TENM3: variants seen among roughly 807,000 people sequenced by gnomAD.
TENM3 encodes the protein teneurin transmembrane protein 3.
In TENM3, 63 loss-of-function variants were observed where a neutral mutation model predicts 255.1. That is an observed-to-expected ratio of 0.25 (90% CI 0.20 to 0.30). The LOEUF (loss-of-function observed/expected upper bound fraction) is 0.30, where lower values mean the gene tolerates loss of function less well. Ranked by LOEUF, TENM3 falls within the 10% of genes least tolerant of loss-of-function variation. The pLI, the probability that TENM3 is intolerant of heterozygous loss-of-function variation, is 1.00. For missense variants in TENM3, 2,929 were observed against 3,461.1 expected, an observed-to-expected ratio of 0.85 and a Z score of 3.86; for synonymous variants, 1,306 against 1,322.3, an observed-to-expected ratio of 0.99 and a Z score of 0.27.
chr4:182,001,041 A>G, the TENM3 span, among the ~76,000 whole-genome samples: 1 of 149,476 alleles, frequency 6.7e-6, no homozygotes, highest in African/African-American at 2.5e-5. Context: ...GGAACAGAAC[A>G]AACCAGAAAA....
At chr4:181,886,123 A>G in the TENM3 span, among the ~76,000 whole-genome samples, 3 of 134,640 alleles carry the variant, frequency 2.2e-5, no homozygotes, top group Non-Finnish European at 4.6e-5. Context: ...CGTGATCGCC[A>G]CTCACTGCAA....
the TENM3 span, among the ~76,000 whole-genome samples, chr4:181,965,811 G>A: frequency 3.3e-5 from 5 of 152,156 alleles, no homozygotes; most frequent in African/African-American, 1.2e-4. Context: ...AAGAGAAGGT[G>A]AGGCAAGAAA....
chr4:182,258,354 A>G (rs959826633), intron 1 of TENM3, among the ~76,000 whole-genome samples: 2 of 152,222 alleles, frequency 1.3e-5, no homozygotes, highest in African/African-American at 4.8e-5. Flanking sequence ...TAGACAATTA[A>G]TAACTTATAT....
chr4:182,541,393 C>A (rs528318837), intron 3 of TENM3, among the ~76,000 whole-genome samples: 2 of 152,250 alleles, frequency 1.3e-5, no homozygotes, highest in East Asian at 3.9e-4. Flanking sequence ...GTTAAGAAAT[C>A]TGTCATTTGT....
chr4:182,351,066 C>A (rs1338904944), intron 3 of TENM3, among the ~76,000 whole-genome samples: 1 of 148,982 alleles, frequency 6.7e-6, no homozygotes, highest in African/African-American at 2.5e-5. Flanking sequence ...GTTCCAAATA[C>A]CTATTTAAAC....
chr4:182,116,641 G>T, the TENM3 span, among the ~76,000 whole-genome samples: 1 of 152,166 alleles, frequency 6.6e-6, no homozygotes, highest in Non-Finnish European at 1.5e-5. Context: ...AGTCAATTAA[G>T]CCTCTTTCCT....
chr4:181,477,629 T>TA, the TENM3 span, among the ~76,000 whole-genome samples: 10 of 152,230 alleles, frequency 6.6e-5, no homozygotes, highest in African/African-American at 1.7e-4. Flanking sequence ...GGTGCATTTT[T>TA]TAAAAAAATA....
chr4:182,611,563 A>G (rs1305333081), intron 4 of TENM3, among the ~76,000 whole-genome samples: 6 of 152,150 alleles, frequency 3.9e-5, no homozygotes, highest in Admixed American at 3.9e-4. Context: ...ACATTTTTAC[A>G]TTTTAAGTAA....
chr4:182,692,436 C>G (rs1198118647), intron 12 of TENM3, among the ~76,000 whole-genome samples: 4 of 152,192 alleles, frequency 2.6e-5, no homozygotes, highest in Admixed American at 6.5e-5. Context: ...AGAATTCATT[C>G]ATTTGTATCC....
the TENM3 span, among the ~76,000 whole-genome samples, chr4:181,602,563 T>A: frequency 6.6e-6 from 1 of 152,184 alleles, no homozygotes; most frequent in Non-Finnish European, 1.5e-5. Flanking sequence ...TTAATATCTG[T>A]CAAAAGCCAT....
chr4:181,477,512 T>G, the TENM3 span, among the ~76,000 whole-genome samples: 7 of 152,318 alleles, frequency 4.6e-5, no homozygotes, highest in East Asian at 1.3e-3. Context: ...ATTAGAAATA[T>G]GTAAAGGTTT....
At chr4:182,116,662 C>G in the TENM3 span, among the ~76,000 whole-genome samples, 1 of 152,180 alleles carries the variant, frequency 6.6e-6, no homozygotes, top group South Asian at 2.1e-4. Context: ...TTGTAAATTA[C>G]CCAGTCTCAA....
chr4:182,743,136 T>C lies in TENM3; in HGVS notation c.3380-34T>C, dbSNP rs771379608. On this transcript the variant is annotated intron_variant, in intron 18 of 27. Coordinates refer to ENST00000511685, the MANE Select transcript of TENM3 (RefSeq NM_001080477.4). The stretch of plus-strand genomic sequence containing the variant: ...TGCTTTTCATCTTTACACTTTTTCA[T>C]CATAAGAAAAACAATGCACTTTATT... 1.9e-6 allele frequency: 3 copies of C among 1,562,256 alleles called. No individual in the cohort carries two copies. In the South Asian group the frequency reaches 3.5e-5, roughly 18 times the overall value.
the TENM3 span, among the ~76,000 whole-genome samples, chr4:182,070,383 C>A: frequency 6.6e-6 from 1 of 152,278 alleles, no homozygotes; most frequent in Admixed American, 6.5e-5. Flanking sequence ...CTTTGGGAGG[C>A]CAAGGTGGGT....
chr4:182,461,971 A>G (rs62337168), intron 3 of TENM3, among the ~76,000 whole-genome samples: 10,691 of 151,402 alleles, frequency 0.071, 517 homozygotes, highest in African/African-American at 0.13. Context: ...TTCTTTGTCA[A>G]CTCTTGTCAA....
chr4:181,788,575 A>G, the TENM3 span, among the ~76,000 whole-genome samples: 1 of 152,136 alleles, frequency 6.6e-6, no homozygotes, highest in Non-Finnish European at 1.5e-5. Context: ...TACAGTGCGG[A>G]AAGTGTCTCC....
chr4:182,744,168 G>GCATCTTA lies in TENM3; in HGVS notation c.3629+751_3629+757dup, dbSNP rs1368749879. The GCATCTTA allele has an allele frequency of 3.3e-6, 3 of 918,290 alleles. No homozygotes were observed. The East Asian group carries it at 3.8e-4, about 116-fold the overall frequency. The allele number at this position is 918,290 out of a possible 1,614,324, so 56.9% of individuals were successfully genotyped here. On this transcript the variant is annotated intron_variant, in intron 19 of 27. Transcript: ENST00000511685. ...AAATAAAGATTTTAGACATAGGTAA[G>GCATCTTA]CATCTTACCTTAAGGTTATTGTATA...
At chr4:181,615,565 AAAAACC>A in the TENM3 span, among the ~76,000 whole-genome samples, 219 of 152,326 alleles carry the variant, frequency 1.4e-3, no homozygotes, top group African/African-American at 5.1e-3. Flanking sequence ...AGAGGAAAGC[AAAAACC>A]AAAATTGAAT....
chr4:181,901,546 A>C, the TENM3 span, among the ~76,000 whole-genome samples: 1 of 152,340 alleles, frequency 6.6e-6, no homozygotes, highest in African/African-American at 2.4e-5. Context: ...AAATTACTCA[A>C]TATGTCGTGA....
Sources: gnomAD v4.1 joint callset for allele counts (sites outside exome capture counted in the v4.1 genomes callset) on GRCh38, gnomAD v4.1.1 for gene constraint, MANE v1.5 for transcripts, NCBI Gene and HGNC (gene_info 2026-07-23, HGNC 2026-07-21) for gene names.